TMEM168: variants seen among roughly 807,000 people sequenced by gnomAD.
TMEM168 encodes the protein transmembrane protein 168.
Under a neutral mutation model 53.2 loss-of-function variants are expected in TMEM168, and 40 were observed. The ratio of observed to expected loss-of-function variants is 0.75; its 90% CI spans 0.58 to 0.98. TMEM168 has a LOEUF of 0.98. Among genes scored for constraint, TMEM168 ranks in the 50% least tolerant of loss-of-function variants. The pLI is 0.00. For synonymous variants in TMEM168, 282 were observed against 293.0 expected, an observed-to-expected ratio of 0.96 and a Z score of 0.38; for missense variants, 771 against 828.8, an observed-to-expected ratio of 0.93 and a Z score of 0.86.
At chr7:112,783,009 C>T (rs1793271894) in intron 2 of TMEM168, among the ~76,000 whole-genome samples, 3 of 152,340 alleles carry the variant, frequency 2.0e-5, no homozygotes, top group African/African-American at 4.8e-5. Context: ...GCATATAGTG[C>T]ATAGTCAATA....
chr7:112,776,602 A>G (rs1793090530), intron 2 of TMEM168, among the ~76,000 whole-genome samples: 1 of 152,096 alleles, frequency 6.6e-6, no homozygotes, highest in South Asian at 2.1e-4. Context: ...ATAACACAGT[A>G]CATGCTCCAT....
chr7:112,782,857 A>G (rs955585809), intron 2 of TMEM168, among the ~76,000 whole-genome samples: 5 of 152,218 alleles, frequency 3.3e-5, no homozygotes, highest in Admixed American at 6.5e-5. Context: ...CCCACATCCC[A>G]GTCTGATGTA....
chr7:112,784,490 T>A lies in TMEM168; in HGVS notation c.336A>T (p.Ser112=). 6.2e-7 allele frequency: 1 copy of A among 1,614,122 alleles called. No homozygotes were observed. Among genetic ancestry groups the A allele is most frequent in the Non-Finnish European group, 8.5e-7 (1 of 1,179,988 alleles). ...CTTCTTTTACATCATTTTTAAAGGA[T>A]GAATTATCAAGAAAACATAGGAGGC... The part of the protein sequence containing the change: ...LLGLLCFLDN[S]SFKNDVKEES... Residue 112 remains serine, a synonymous_variant, in exon 2 of 5, where the codon TCA becomes TCT. Coordinates refer to ENST00000312814, the MANE Select transcript of TMEM168 (RefSeq NM_022484.6).
At chr7:112,770,608 A>ATGTG (rs60517211) in intron 4 of TMEM168, among the ~76,000 whole-genome samples, 25 of 149,440 alleles carry the variant, frequency 1.7e-4, no homozygotes, top group African/African-American at 5.1e-4. Context: ...AGATATATAT[A>ATGTG]TGTGTGTGTG....
chr7:112,783,746 C>A lies in TMEM168; in HGVS notation c.1080G>T (p.Val360=), dbSNP rs1285521513. The change falls in exon 2 of 5, where the codon GTG becomes GTT. Residue 360 remains valine, a synonymous_variant. Transcript: ENST00000312814. ...TCGCTGTTGCAAGAAGACTAAAGAACACCAACTGCTCTGAAATCAAGCAAA... is the reference window on the plus strand; with the variant it reads ...TCGCTGTTGCAAGAAGACTAAAGAAAACCAACTGCTCTGAAATCAAGCAAA... The part of the protein sequence containing the change: ...RHFCLISEQL[V]FFSLLATAIL... 3 of 1,562,312 alleles carry A rather than the reference C, an allele frequency of 1.9e-6. No homozygotes were observed. Among genetic ancestry groups the A allele is most frequent in the Non-Finnish European group, 2.6e-6 (3 of 1,158,012 alleles).
chr7:112,770,882 A>G (rs1358787845), intron 4 of TMEM168, among the ~76,000 whole-genome samples: 1 of 152,228 alleles, frequency 6.6e-6, no homozygotes, highest in Non-Finnish European at 1.5e-5. Context: ...ACCAAAAATT[A>G]GCCCTGTTTT....
chr7:112,775,283 G>T lies in TMEM168; in HGVS notation c.1164C>A (p.Ile388=). Residue 388 remains isoleucine (I), a synonymous_variant, in exon 3 of 5, where the codon ATC becomes ATA. Coordinates refer to ENST00000312814, the MANE Select transcript of TMEM168 (RefSeq NM_022484.6). ...GAGCCATGGATTCCAATGGCAAAAC[G>T]ATTAGAAACATGCTCAAGAAAATTC... is the stretch of plus-strand genomic sequence containing the variant. ...TNGIFLSMFL[I]VLPLESMAHG... 6.2e-7 allele frequency: 1 copy of T among 1,613,316 alleles called. No individual in the cohort carries two copies. The highest frequency in any genetic ancestry group is 8.5e-7 in the Non-Finnish European group (1 of 1,179,688).
chr7:112,778,289 G>C (rs1389338008), intron 2 of TMEM168: 2 of 152,212 alleles, frequency 1.3e-5, no homozygotes, highest in Non-Finnish European at 2.9e-5. Context: ...GGGACCAAAA[G>C]TGCAGCTCAG....
In TMEM168 at chr7:112,767,135, ATGGCAAG is replaced by A; in HGVS notation, c.*55_*61del. On this transcript the variant is annotated 3_prime_UTR_variant, in exon 5 of 5. Transcript: ENST00000312814. The stretch of plus-strand genomic sequence containing the variant: ...CAAATAAAAATACAGCATACAAAAA[ATGGCAAG>A]TTAGTGATAATTGGTAGTATGAGTG... 1 of 1,487,034 alleles carries A rather than the reference ATGGCAAG, an allele frequency of 6.7e-7. No individual in the cohort carries two copies. The highest frequency in any genetic ancestry group is 9.0e-7 in the Non-Finnish European group (1 of 1,105,644). 92.1% of individuals were successfully genotyped at this position (1,487,034 alleles called of 1,614,324 possible).
rs1467170796 is a variant in TMEM168 at position 112,784,283 on chromosome 7, A to T, written c.543T>A (p.Ile181=). The T allele has an allele frequency of 6.2e-7, 1 of 1,614,172 alleles. No individual in the cohort carries two copies. Among genetic ancestry groups the T allele is most frequent in the Non-Finnish European group, 8.5e-7 (1 of 1,180,020 alleles). ...TMLVEKSLSV[I]LLVVALAMLI... The stretch of plus-strand genomic sequence containing the variant: ...GCATAGCCAGAGCTACAACAAGCAA[A>T]ATGACACTCAGAGACTTCTCCACCA... The change falls in exon 2 of 5, where the codon ATT becomes ATA. Residue 181 remains isoleucine, a synonymous_variant. Transcript: ENST00000312814.
rs1792784988 is a variant in TMEM168 at position 112,766,597 on chromosome 7, AATGTAACTTGGG to A, written c.*588_*599del. On this transcript the variant is annotated 3_prime_UTR_variant, in exon 5 of 5. Coordinates refer to ENST00000312814, the MANE Select transcript of TMEM168 (RefSeq NM_022484.6). ...CTACATAAAGAATATTTTGATCTAA[AATGTAACTTGGG>A]TTCTCTGCCACACTGGTAATAAGTC... 1 of 152,686 alleles carries A rather than the reference AATGTAACTTGGG, an allele frequency of 6.5e-6. No homozygotes were observed. The highest frequency in any genetic ancestry group is 2.4e-5 in the African/African-American group (1 of 41,444). 9.5% of individuals were successfully genotyped at this position (152,686 alleles called of 1,614,324 possible). A position where few individuals can be genotyped will look rare whatever the true frequency, so the allele number is the denominator to read the frequency against.
Position 112,765,482 on chromosome 7 carries a change from G to T in TMEM168, c.*1715C>A, listed in dbSNP as rs535621833. 10 of 152,188 alleles carry T rather than the reference G, an allele frequency of 6.6e-5. No homozygotes were observed. The highest frequency in any genetic ancestry group is 2.4e-4 in the African/African-American group (10 of 41,544). The allele number at this position is 152,188 out of a possible 1,614,324, so 9.4% of individuals were successfully genotyped here. ...CAAATAGCTGAGAAATTTAAAAGGA[G>T]ATTTTACTTAACATTAACTTTTTTT... On this transcript the variant is annotated 3_prime_UTR_variant, in exon 5 of 5. Coordinates refer to ENST00000312814, the MANE Select transcript of TMEM168 (RefSeq NM_022484.6).
chr7:112,775,071 A>G (rs1793039561), intron 3 of TMEM168, 105 bp downstream of exon 3: 2 of 953,494 alleles, frequency 2.1e-6, no homozygotes, highest in East Asian at 3.1e-5. Flanking sequence ...TGCACAAGTT[A>G]TATTTTGAAA....
At position 112,765,533 on chromosome 7, in the gene TMEM168, T is replaced by C. The variant is rs1279524352; in HGVS notation, c.*1664A>G. 1 of 152,140 alleles carries C rather than the reference T, an allele frequency of 6.6e-6. No homozygotes were observed. The highest frequency in any genetic ancestry group is 1.5e-5 in the Non-Finnish European group (1 of 68,022). 9.4% of individuals were successfully genotyped at this position (152,140 alleles called of 1,614,324 possible). A position where few individuals can be genotyped will look rare whatever the true frequency, so the allele number is the denominator to read the frequency against. ...AAGCTAAAAGCTCATAATTTTAACA[T>C]TTGGCTTTTCTACTACCCTACTGCT... On this transcript the variant is annotated 3_prime_UTR_variant, in exon 5 of 5. Coordinates refer to ENST00000312814, the MANE Select transcript of TMEM168 (RefSeq NM_022484.6).
At chr7:112,769,370 T>C (rs1168601482) in intron 4 of TMEM168, among the ~76,000 whole-genome samples, 1 of 152,162 alleles carries the variant, frequency 6.6e-6, no homozygotes, top group African/African-American at 2.4e-5. Context: ...ATGTTAACTC[T>C]CCATTATTGT....
intron 2 of TMEM168, among the ~76,000 whole-genome samples, chr7:112,782,021 T>C (rs1223582459): frequency 2.0e-5 from 3 of 152,102 alleles, no homozygotes; most frequent in Non-Finnish European, 4.4e-5. Flanking sequence ...CCAGAATATA[T>C]AAGGAACTCT....
At chr7:112,782,648 A>T (rs531618735) in intron 2 of TMEM168, among the ~76,000 whole-genome samples, 1 of 152,306 alleles carries the variant, frequency 6.6e-6, no homozygotes, top group Admixed American at 6.5e-5. Flanking sequence ...AGCCCAGCTG[A>T]CTAGAAATCT....
At chr7:112,774,359 A>ATTTTTTTTTTTTTTTTT (rs558123531) in intron 3 of TMEM168, among the ~76,000 whole-genome samples, 1 of 94,254 alleles carries the variant, frequency 1.1e-5, no homozygotes, top group Non-Finnish European at 2.2e-5. Flanking sequence ...GTGTTTTTAC[A>ATTTTTTTTTTTTTTTTT]TTTTTTTTTT....
At position 112,784,742 on chromosome 7, in the gene TMEM168, G is replaced by A. The variant is rs1337719839; in HGVS notation, c.84C>T (p.Asn28=). The A allele has an allele frequency of 4.3e-6, 7 of 1,612,900 alleles. No homozygotes were observed. Among genetic ancestry groups the A allele is most frequent in the Non-Finnish European group, 5.9e-6 (7 of 1,179,738 alleles). ...CAAGATACCGCACTGAAGAATGCAT[G>A]TTCACTTCTCTATTTACTTCTTCCA... The part of the protein sequence containing the change: ...TRLEEVNREV[N]MHSSVRYLGY... The change falls in exon 2 of 5, where the codon AAC becomes AAT. Residue 28 remains asparagine (N), a synonymous_variant. Coordinates refer to ENST00000312814, the MANE Select transcript of TMEM168 (RefSeq NM_022484.6).
Sources: gnomAD v4.1 joint callset for allele counts (sites outside exome capture counted in the v4.1 genomes callset) on GRCh38, gnomAD v4.1.1 for gene constraint, MANE v1.5 for transcripts, NCBI Gene and HGNC (gene_info 2026-07-23, HGNC 2026-07-21) for gene names.